FGD5: variants seen among roughly 807,000 people sequenced by gnomAD.
FGD5 encodes FYVE, RhoGEF and PH domain-containing protein 5.
FGD5 carries 28 observed loss-of-function variants against 133.4 expected under a neutral mutation model. That is an observed-to-expected ratio of 0.21 (90% CI 0.16 to 0.29). The LOEUF (loss-of-function observed/expected upper bound fraction) is 0.29, where lower values mean the gene tolerates loss of function less well. Among genes scored for constraint, FGD5 ranks in the 10% least tolerant of loss-of-function variants. The probability of loss-of-function intolerance (pLI) is 1.00; values close to 1 mark genes in which losing one functional copy is unlikely to be tolerated. For synonymous variants in FGD5, 810 were observed against 776.5 expected (o/e 1.04, Z -0.72); for missense variants, 1,858 against 1,895.2 (o/e 0.98, Z 0.36).
chr3:14,924,357 C>CT (rs1361208868), intron 17 of FGD5, among the ~76,000 whole-genome samples: 2 of 152,176 alleles, frequency 1.3e-5, no homozygotes, highest in African/African-American at 4.8e-5. Flanking sequence ...CCCTCCTCCT[C>CT]TTTCTTTTCT....
At chr3:14,924,297 G>C (rs2038747144) in intron 17 of FGD5, among the ~76,000 whole-genome samples, 159 bp downstream of exon 17, 1 of 152,156 alleles carries the variant, frequency 6.6e-6, no homozygotes, top group South Asian at 2.1e-4. Flanking sequence ...GGACCGACTT[G>C]ACAGTGATGG....
Position 14,897,497 on chromosome 3 carries a change from T to C in FGD5, c.2749-12T>C, listed in dbSNP as rs146958378. On this transcript the variant is annotated splice_polypyrimidine_tract_variant and intron_variant, in intron 4 of 19. Coordinates refer to ENST00000285046, the MANE Select transcript of FGD5 (RefSeq NM_152536.4). ...TATCAACCTGTGGGTAACAGACCTT[T>C]TGGTGTTTCAGGATTTCCATGGAGC... The C allele has an allele frequency of 3.1e-4, 495 of 1,600,340 alleles. 3 individuals carry two copies. In the East Asian group the frequency reaches 6.6e-3, roughly 21 times the overall value.
rs558635971 is a variant in FGD5, at chr3:14,836,539, C to G, written c.2525+14943C>G. On this transcript the variant is annotated intron_variant, in intron 1 of 19. Coordinates refer to ENST00000285046, the MANE Select transcript of FGD5 (RefSeq NM_152536.4). ...GTGAGGAGAGTTCATGCTTTGCCAG[C>G]CTTTGCCCGACTTTTGAGTTTTCTC... 1.2e-4 allele frequency among the ~76,000 whole-genome samples: 18 copies of G among 152,330 alleles called. No homozygotes were observed. In the South Asian group the frequency reaches 1.9e-3, roughly 16 times the overall value.
chr3:14,917,287 T>C lies in FGD5; in HGVS notation c.3444T>C (p.Asp1148=), dbSNP rs1467683426. Reference sequence around the variant, plus strand: ...TCCTGTACACCTATCCCCAGAAGGATGGGAAGTACCGGCTGAAGAACACAT... The same window carrying C: ...TCCTGTACACCTATCCCCAGAAGGACGGGAAGTACCGGCTGAAGAACACAT... The part of the protein sequence containing the change: ...DVLLYTYPQK[D]GKYRLKNTLA... Residue 1148 remains aspartate (D), a synonymous_variant, in exon 12 of 20, where the codon GAT becomes GAC. Coordinates refer to ENST00000285046, the MANE Select transcript of FGD5 (RefSeq NM_152536.4). The surrounding 1 kb of genome is among the most constrained non-coding windows in gnomAD (Gnocchi z 4.1). 6.2e-7 allele frequency: 1 copy of C among 1,613,794 alleles called. No individual in the cohort carries two copies. The highest frequency in any genetic ancestry group is 2.2e-5 in the East Asian group (1 of 44,884).
At chr3:14,818,450 CAG>C (rs929625543), upstream of FGD5, among the ~76,000 whole-genome samples, 16 of 152,218 alleles carry the variant, frequency 1.1e-4, no homozygotes, top group African/African-American at 3.6e-4. Context: ...GAGTTCTCAG[CAG>C]AGTCTGTTTT....
chr3:14,885,391 G>A (rs1347310566), intron 4 of FGD5, among the ~76,000 whole-genome samples: 1 of 152,080 alleles, frequency 6.6e-6, no homozygotes. Flanking sequence ...TCAGTGCCAG[G>A]GAGTGATTGC....
Position 14,923,185 on chromosome 3 carries a change from G to C in FGD5, c.3937+10G>C, listed in dbSNP as rs1009735480. 5 of 1,609,658 alleles carry C rather than the reference G, an allele frequency of 3.1e-6. No individual in the cohort carries two copies. Among genetic ancestry groups the C allele is most frequent in the Admixed American group, 1.7e-5 (1 of 59,476 alleles). On this transcript the variant is annotated intron_variant, in intron 16 of 19. Transcript: ENST00000285046. ...CCGGGCCTGATGAGAGGTAACCTGG[G>C]GACCACTTGCCTTCTTCCAAGTGGC...
intron 2 of FGD5, among the ~76,000 whole-genome samples, chr3:14,872,780 T>C (rs1002722262): frequency 2.0e-5 from 3 of 152,198 alleles, no homozygotes; most frequent in Non-Finnish European, 2.9e-5. Flanking sequence ...TGGTCTCTTA[T>C]TAGGAGAAAG....
chr3:14,907,911 A>G (rs943649009), intron 10 of FGD5, among the ~76,000 whole-genome samples, 200 bp downstream of exon 10: 2 of 152,152 alleles, frequency 1.3e-5, no homozygotes, highest in African/African-American at 4.8e-5. Flanking sequence ...TCTCCACCCC[A>G]TGTGTTGCCT....
chr3:14,855,552 A>G (rs1408435494), intron 1 of FGD5, among the ~76,000 whole-genome samples: 2 of 152,168 alleles, frequency 1.3e-5, no homozygotes, highest in Non-Finnish European at 2.9e-5. Flanking sequence ...TAGCCATTCT[A>G]ACAGGTGTGA....
At chr3:14,905,093 C>T (rs1459507049) in intron 9 of FGD5, among the ~76,000 whole-genome samples, 6 of 152,164 alleles carry the variant, frequency 3.9e-5, no homozygotes, top group African/African-American at 7.2e-5. Context: ...TGAGAAGCCT[C>T]GTTCCTACCA....
intron 1 of FGD5, among the ~76,000 whole-genome samples, chr3:14,822,215 T>G (rs2036519264): frequency 6.6e-6 from 1 of 152,188 alleles, no homozygotes; most frequent in African/African-American, 2.4e-5. Flanking sequence ...TTTGTTTACA[T>G]TATTTGGGAG....
intron 1 of FGD5, among the ~76,000 whole-genome samples, chr3:14,852,311 A>C (rs2037178540): frequency 1.3e-5 from 2 of 152,346 alleles, no homozygotes; most frequent in South Asian, 4.1e-4. Flanking sequence ...CCTGGAAAAC[A>C]CACTAAGTGA....
At chr3:14,870,689 G>A (rs548816410) in intron 2 of FGD5, among the ~76,000 whole-genome samples, 1 of 152,278 alleles carries the variant, frequency 6.6e-6, no homozygotes, top group African/African-American at 2.4e-5. Flanking sequence ...GCCCTACGCA[G>A]GTGGCATCCC....
intron 1 of FGD5, among the ~76,000 whole-genome samples, chr3:14,830,056 A>C (rs2036677140): frequency 6.6e-6 from 1 of 152,208 alleles, no homozygotes; most frequent in African/African-American, 2.4e-5. Context: ...ATTGGTGCTG[A>C]GAGCCGCGTG....
At chr3:14,837,864 T>C (rs975838191) in intron 1 of FGD5, among the ~76,000 whole-genome samples, 2 of 152,216 alleles carry the variant, frequency 1.3e-5, no homozygotes, top group East Asian at 3.8e-4. Context: ...CTAAGTGATT[T>C]CGTAGGGCTG....
chr3:14,880,522 T>G lies in FGD5; in HGVS notation c.2659-50T>G, dbSNP rs772481788. ...CCTCCAGCAGCATGGTGGCCTCCTCTAGAAACCACTGATGCCTGTCCCACC... is the reference window on the plus strand; with the variant it reads ...CCTCCAGCAGCATGGTGGCCTCCTCGAGAAACCACTGATGCCTGTCCCACC... On this transcript the variant is annotated intron_variant, in intron 2 of 19. Coordinates refer to ENST00000285046, the MANE Select transcript of FGD5 (RefSeq NM_152536.4). 7 of 1,591,716 alleles carry G rather than the reference T, an allele frequency of 4.4e-6. No individual in the cohort carries two copies. In the Admixed American group the frequency reaches 1.2e-4, roughly 27 times the overall value.
chr3:14,860,808 T>TAAA (rs34317529), intron 1 of FGD5, among the ~76,000 whole-genome samples: 2 of 148,198 alleles, frequency 1.3e-5, no homozygotes, highest in East Asian at 2.0e-4. Context: ...ACCCCTTTTT[T>TAAA]AAAAAAAAAA....
chr3:14,901,261 A>G (rs899269359), intron 9 of FGD5, among the ~76,000 whole-genome samples, 200 bp downstream of exon 9: 23 of 152,154 alleles, frequency 1.5e-4, no homozygotes, highest in African/African-American at 5.6e-4. Context: ...CTGCGCCTCC[A>G]GTTCACTGTT....
Sources: gnomAD v4.1 joint callset for allele counts (sites outside exome capture counted in the v4.1 genomes callset) on GRCh38, gnomAD v4.1.1 for gene constraint, Gnocchi (gnomAD v3.1) non-coding constraint, MANE v1.5 for transcripts, NCBI Gene and HGNC (gene_info 2026-07-23, HGNC 2026-07-21) for gene names.